The following CCDC7 variants were observed in gnomAD, a reference collection of about 807,000 sequenced individuals.
CCDC7 encodes the protein coiled-coil domain-containing protein 7.
CCDC7 carries 183 observed loss-of-function variants against 196.9 expected under a neutral mutation model. That is an observed-to-expected ratio of 0.93 (90% CI 0.82 to 1.05). The LOEUF (loss-of-function observed/expected upper bound fraction) is 1.05. CCDC7 is among the 50% of genes least tolerant of loss of function. CCDC7 has a pLI of 0.00. For missense variants in CCDC7, 1,540 were observed against 1,482.2 expected, an observed-to-expected ratio of 1.04 and a Z score of -0.64; for synonymous variants, 525 against 484.6, an observed-to-expected ratio of 1.08 and a Z score of -1.10.
chr10:32,740,054 A>G (rs1035156128), intron 28 of CCDC7, among the ~76,000 whole-genome samples: 6 of 152,088 alleles, frequency 3.9e-5, no homozygotes, highest in Non-Finnish European at 7.4e-5. Flanking sequence ...AGGAGTCTAC[A>G]CTTCACAGGA....
At chr10:32,468,280 T>C (rs1216525144) in intron 5 of CCDC7, among the ~76,000 whole-genome samples, 1 of 152,172 alleles carries the variant, frequency 6.6e-6, no homozygotes, top group Non-Finnish European at 1.5e-5. Context: ...GTTTTGTAGT[T>C]CCCCTTGTAG....
chr10:32,537,514 A>G (rs1210487362), intron 11 of CCDC7, among the ~76,000 whole-genome samples: 1 of 151,870 alleles, frequency 6.6e-6, no homozygotes, highest in Non-Finnish European at 1.5e-5. Flanking sequence ...CTCATTTGTT[A>G]ATTTTTGTTT....
At chr10:32,830,125 T>TATATATATATATATATATATATGG (rs1343811663) in intron 32 of CCDC7, among the ~76,000 whole-genome samples, 11 of 103,420 alleles carry the variant, frequency 1.1e-4, no homozygotes, top group Non-Finnish European at 2.2e-4. Context: ...TATAAGGATA[T>TATATATATATATATATATATATGG]ATATATATAT....
chr10:32,577,008 T>A (rs1471157124), intron 16 of CCDC7, among the ~76,000 whole-genome samples: 1 of 152,154 alleles, frequency 6.6e-6, no homozygotes, highest in Non-Finnish European at 1.5e-5. Context: ...AGAATTGAGC[T>A]TGTGACTAAG....
At chr10:32,606,608 T>A (rs891185818) in intron 18 of CCDC7, among the ~76,000 whole-genome samples, 2 of 152,148 alleles carry the variant, frequency 1.3e-5, no homozygotes, top group African/African-American at 2.4e-5. Context: ...GGACATGGAG[T>A]CAAAGGAGAT....
chr10:32,756,862 C>T lies in CCDC7; in HGVS notation c.2906-22115C>T, dbSNP rs188348744. 8.9e-4 allele frequency among the ~76,000 whole-genome samples: 135 copies of T among 152,224 alleles called. 1 individual carries two copies. The highest frequency in any genetic ancestry group is 2.9e-3 in the African/African-American group (122 of 41,538). On this transcript the variant is annotated intron_variant, in intron 28 of 41. Coordinates refer to ENST00000639629, the Ensembl canonical transcript of CCDC7. ...TGCTGTATTCAGGAGTCCCATCTCACGTGCAGAGACACACATAGGCTCAAA... is the reference window on the plus strand; with the variant it reads ...TGCTGTATTCAGGAGTCCCATCTCATGTGCAGAGACACACATAGGCTCAAA...
At chr10:32,591,881 C>T (rs2059814372) in intron 18 of CCDC7, among the ~76,000 whole-genome samples, 2 of 152,182 alleles carry the variant, frequency 1.3e-5, no homozygotes, top group South Asian at 4.1e-4. Flanking sequence ...AATTGGAGAC[C>T]TCAAGAAAGC....
Position 32,688,986 on chromosome 10 carries a change from T to C in CCDC7, c.2234-67T>C, listed in dbSNP as rs1246524320. 6.7e-6 allele frequency: 7 copies of C among 1,047,120 alleles called. No homozygotes were observed. The Admixed American group carries it at 1.6e-4, about 24-fold the overall frequency. The allele number at this position is 1,047,120 out of a possible 1,614,324, so 64.9% of individuals were successfully genotyped here. On this transcript the variant is annotated intron_variant, in intron 22 of 41. Transcript: ENST00000639629. ...AAAATGCCACTGCACATTCGTAAAT[T>C]TGAAATCTACAGATTTCAAATGGAT... is the stretch of plus-strand genomic sequence containing the variant.
At chr10:32,447,339 C>G (rs967940224), upstream of CCDC7, among the ~76,000 whole-genome samples, 1 of 152,086 alleles carries the variant, frequency 6.6e-6, no homozygotes, top group Admixed American at 6.5e-5. Context: ...CTTTTCCTTG[C>G]TTTCTATGTA....
chr10:32,676,900 G>T (rs2075075587), intron 21 of CCDC7, among the ~76,000 whole-genome samples: 1 of 152,102 alleles, frequency 6.6e-6, no homozygotes. Flanking sequence ...AAATCATGCT[G>T]CTATAAAGAC....
intron 18 of CCDC7, among the ~76,000 whole-genome samples, chr10:32,622,542 A>C: frequency 6.6e-6 from 1 of 151,978 alleles, no homozygotes; most frequent in Admixed American, 6.6e-5. Context: ...TAGGATATAG[A>C]ATTGACAAGT....
At chr10:32,500,046 C>T (rs1013040753) in intron 9 of CCDC7, among the ~76,000 whole-genome samples, 9 of 152,214 alleles carry the variant, frequency 5.9e-5, no homozygotes, top group Non-Finnish European at 1.2e-4. Flanking sequence ...TTTCTTTTCC[C>T]CACATTTCCC....
intron 17 of CCDC7, 65 bp from the exon 19 acceptor site, chr10:32,584,167 C>A: frequency 1.4e-6 from 1 of 736,968 alleles, no homozygotes. Context: ...TAATTAAATA[C>A]CAGTCTTGAT....
At chr10:32,736,549 C>A (rs2132989743) in intron 28 of CCDC7, among the ~76,000 whole-genome samples, 1 of 151,924 alleles carries the variant, frequency 6.6e-6, no homozygotes, top group Non-Finnish European at 1.5e-5. Flanking sequence ...GCTCCCCCCA[C>A]CCCACAACAG....
At chr10:32,453,414 A>G (rs1235721203) in exon 2 of CCDC7, 1 of 1,548,564 alleles carries the variant, frequency 6.5e-7, no homozygotes, top group Admixed American at 1.8e-5. Flanking sequence ...GTAAAGCATG[A>G]ACATGAAGAA....
chr10:32,698,171 C>G (rs552932939), intron 24 of CCDC7, among the ~76,000 whole-genome samples: 3 of 152,146 alleles, frequency 2.0e-5, no homozygotes, highest in Non-Finnish European at 4.4e-5. Context: ...ACAAAAACAA[C>G]ATCCACAACA....
chr10:32,535,380 G>C (rs1209758038), intron 11 of CCDC7, among the ~76,000 whole-genome samples: 1 of 152,024 alleles, frequency 6.6e-6, no homozygotes, highest in Non-Finnish European at 1.5e-5. Flanking sequence ...GAGTGACCAA[G>C]GCAATTGGGT....
At chr10:32,500,254 G>A (rs1209771302) in intron 9 of CCDC7, among the ~76,000 whole-genome samples, 1 of 151,572 alleles carries the variant, frequency 6.6e-6, no homozygotes, top group Non-Finnish European at 1.5e-5. Context: ...CCTGGACGGG[G>A]CGGCTGCCCG....
intron 25 of CCDC7, among the ~76,000 whole-genome samples, chr10:32,724,203 A>G (rs796913908): frequency 6.6e-6 from 1 of 152,214 alleles, no homozygotes; most frequent in South Asian, 2.1e-4. Context: ...GAAGTGCTCT[A>G]TGGGACTCCC....
Sources: gnomAD v4.1 joint callset for allele counts (sites outside exome capture counted in the v4.1 genomes callset) on GRCh38, gnomAD v4.1.1 for gene constraint, MANE v1.5 for transcripts, NCBI Gene and HGNC (gene_info 2026-07-23, HGNC 2026-07-21) for gene names.